Variants in MTMR14 observed in about 807,000 individuals in gnomAD.
MTMR14 encodes the protein myotubularin related protein 14.
Under a neutral mutation model 86.3 loss-of-function variants are expected in MTMR14, and 48 were observed. That is an observed-to-expected ratio of 0.56 (90% confidence interval 0.44 to 0.71). MTMR14 has a LOEUF of 0.71. Ranked by LOEUF, MTMR14 falls within the 30% of genes least tolerant of loss-of-function variation. The pLI is 0.00. For missense variants in MTMR14, 780 were observed against 834.6 expected (o/e 0.93, Z 0.81); for synonymous variants, 366 against 326.1 (o/e 1.12, Z -1.32).
intron 17 of MTMR14, among the ~76,000 whole-genome samples, chr3:9,692,891 T>A (rs761302625): frequency 6.6e-6 from 1 of 152,122 alleles, no homozygotes. Context: ...GCAGGGTAAG[T>A]TTAGATTAGG....
In MTMR14 at chr3:9,672,751, G is replaced by A. The variant is rs533653482; in HGVS notation, c.744G>A (p.Pro248=). Residue 248 remains proline, a synonymous_variant, in exon 7 of 19, where the codon CCG becomes CCA. Transcript: ENST00000296003. ...RYADFTLLSI[P]YPGCEFFKEY... ...CCGACTTCACTCTCCTCTCCATCCC[G>A]TATCCAGGTAGGGGGCTCTCTTCTA... 103 of 1,614,080 alleles carry A rather than the reference G, an allele frequency of 6.4e-5. 2 individuals carry two copies. In the Admixed American group the frequency reaches 8.0e-4, roughly 13 times the overall value.
chr3:9,674,131 G>A (rs1490311125), intron 7 of MTMR14, among the ~76,000 whole-genome samples: 1 of 152,164 alleles, frequency 6.6e-6, no homozygotes, highest in Non-Finnish European at 1.5e-5. Flanking sequence ...ACTGAACTCT[G>A]CAGGTTTGCA....
Position 9,671,136 on chromosome 3 carries a change from A to G in MTMR14, c.643A>G (p.Met215Val). Residue 215 changes from methionine (M) to valine (V), a missense_variant, in exon 6 of 19, where the codon ATG (methionine) becomes GTG (valine). Met to Val is a conservative substitution (Grantham distance 21, BLOSUM62 1). Coordinates refer to ENST00000296003, the MANE Select transcript of MTMR14 (RefSeq NM_001077525.3). ...YLSVKYICDL[M>V]VENKKVKFGM... Reference sequence around the variant, plus strand: ...GTCAGTCAAATACATCTGTGACCTGATGGTGGAGAACAAGAAGGTGAAGTT... The same window carrying G: ...GTCAGTCAAATACATCTGTGACCTGGTGGTGGAGAACAAGAAGGTGAAGTT... 6.2e-7 allele frequency: 1 copy of G among 1,614,222 alleles called. No individual in the cohort carries two copies. Among genetic ancestry groups the G allele is most frequent in the Non-Finnish European group, 8.5e-7 (1 of 1,180,028 alleles).
At chr3:9,663,122 G>A (rs889908369) in intron 3 of MTMR14, among the ~76,000 whole-genome samples, 4 of 152,138 alleles carry the variant, frequency 2.6e-5, no homozygotes, top group South Asian at 2.1e-4. Context: ...GGGAAATTCC[G>A]AATGCAAGTA....
chr3:9,683,589 G>A (rs535808680), intron 10 of MTMR14: 176 of 311,706 alleles, frequency 5.6e-4, no homozygotes, highest in Admixed American at 2.2e-3. Flanking sequence ...GAATCAATCC[G>A]GGCTGCTCAG....
chr3:9,701,581 T>TA lies in MTMR14; in HGVS notation c.1770-208dup, dbSNP rs2076460177. The TA allele has an allele frequency of 6.3e-6, 4 of 634,510 alleles. No individual in the cohort carries two copies. In the East Asian group the frequency reaches 1.1e-4, roughly 18 times the overall value. The allele number at this position is 634,510 out of a possible 1,614,324, so 39.3% of individuals were successfully genotyped here. ...AAGCTCCTGCTCTAGGTGGGAACAG[T>TA]AGCCTGAGGGCTTAGAGGAATGGTT... On this transcript the variant is annotated intron_variant, in intron 18 of 18. Coordinates refer to ENST00000296003, the MANE Select transcript of MTMR14 (RefSeq NM_001077525.3). The surrounding 1 kb of genome is among the most constrained non-coding windows in gnomAD (Gnocchi z 4.2).
intron 10 of MTMR14, among the ~76,000 whole-genome samples, chr3:9,684,373 A>G (rs1575042505): frequency 6.6e-6 from 1 of 152,138 alleles, no homozygotes; most frequent in East Asian, 1.9e-4. Context: ...TGAGAACTAT[A>G]GTCAGAAGGA....
At chr3:9,672,635 GT>G in intron 6 of MTMR14, 49 bp from the exon 7 acceptor site, 1 of 1,467,468 alleles carries the variant, frequency 6.8e-7, no homozygotes, top group Non-Finnish European at 9.6e-7. Flanking sequence ...AATGGTGTGT[GT>G]TTGTGTGTGT....
In MTMR14 at chr3:9,702,184, T is replaced by G; in HGVS notation, c.*211T>G. The G allele has an allele frequency of 1.6e-6, 1 of 631,698 alleles. No individual in the cohort carries two copies. The allele number at this position is 631,698 out of a possible 1,614,324, so 39.1% of individuals were successfully genotyped here. ...TTGACTGGTGACCACCACCCCTTCT[T>G]GTCACTGTCTCCCACCCACCCCATC... On this transcript the variant is annotated 3_prime_UTR_variant, in exon 19 of 19. Coordinates refer to ENST00000296003, the MANE Select transcript of MTMR14 (RefSeq NM_001077525.3).
At chr3:9,675,001 T>C (rs1445259112) in intron 7 of MTMR14, among the ~76,000 whole-genome samples, 1 of 152,212 alleles carries the variant, frequency 6.6e-6, no homozygotes, top group African/African-American at 2.4e-5. Flanking sequence ...ATCCCAGTTA[T>C]TCGGGAGGCC....
intron 3 of MTMR14, among the ~76,000 whole-genome samples, chr3:9,663,214 T>C (rs778927206): frequency 8.6e-5 from 13 of 152,012 alleles, no homozygotes; most frequent in Non-Finnish European, 1.5e-4. Context: ...ATTCAGTCTA[T>C]TCATTCCTTT....
In MTMR14 at chr3:9,661,656, C is replaced by T. The variant is rs113637520; in HGVS notation, c.309-611C>T. Among the ~76,000 whole-genome samples the T allele has an allele frequency of 2.8e-3, 426 of 152,234 alleles. 2 individuals carry two copies. Among genetic ancestry groups the T allele is most frequent in the African/African-American group, 9.8e-3 (405 of 41,514 alleles). On this transcript the variant is annotated intron_variant, in intron 2 of 18. Transcript: ENST00000296003. The stretch of plus-strand genomic sequence containing the variant: ...CTTATCCTGGGAGTTAAAAATTGGA[C>T]ACCCTAGACATAATATCCAGTTTTC...
Position 9,687,862 on chromosome 3 carries a change from C to T in MTMR14, c.1206C>T (p.Ser402=), listed in dbSNP as rs571990247. 8.2e-6 allele frequency: 13 copies of T among 1,588,916 alleles called. No individual in the cohort carries two copies. Among genetic ancestry groups the T allele is most frequent in the Admixed American group, 5.3e-5 (3 of 57,060 alleles). The change falls in exon 14 of 19, where the codon TCC becomes TCT. Residue 402 remains serine (S), a synonymous_variant. Coordinates refer to ENST00000296003, the MANE Select transcript of MTMR14 (RefSeq NM_001077525.3). ...FCFNFLKHIT[S]EEFSALKTQR... is the part of the protein sequence containing the mutation. ...TCAATTTTTTGAAGCATATTACCTC[C>T]GAGGAGTTCTCTGCTCTGAAGACCC...
chr3:9,694,664 T>C (rs376656011), intron 17 of MTMR14, among the ~76,000 whole-genome samples: 2 of 152,366 alleles, frequency 1.3e-5, no homozygotes, highest in South Asian at 2.1e-4. Context: ...CTGTAGGCTC[T>C]GTCATGGCAC....
Position 9,684,628 on chromosome 3 carries a change from G to C in MTMR14, c.1008G>C (p.Arg336=), listed in dbSNP as rs764952030. The C allele has an allele frequency of 4.0e-5, 64 of 1,614,020 alleles. No homozygotes were observed. In the Admixed American group the frequency reaches 1.0e-3, roughly 26 times the overall value. The part of the protein sequence containing the change: ...LLVHCISGWD[R]TPLFISLLRL... Reference sequence around the variant, plus strand: ...TACACTGTATCTCAGGCTGGGATCGGACCCCCCTCTTCATCTCCCTCCTGC... The same window carrying C: ...TACACTGTATCTCAGGCTGGGATCGCACCCCCCTCTTCATCTCCCTCCTGC... Residue 336 remains arginine, a synonymous_variant, in exon 11 of 19, where the codon CGG becomes CGC. Coordinates refer to ENST00000296003, the MANE Select transcript of MTMR14 (RefSeq NM_001077525.3).
chr3:9,683,507 G>A, intron 10 of MTMR14: 2 of 462,828 alleles, frequency 4.3e-6, no homozygotes, highest in Non-Finnish European at 8.0e-6. Context: ...CACTGTCTCA[G>A]CATTGCACAA....
chr3:9,677,387 G>A lies in MTMR14; in HGVS notation c.822G>A (p.Gln274=), dbSNP rs778268581. The A allele has an allele frequency of 6.2e-7, 1 of 1,613,516 alleles. No homozygotes were observed. Among genetic ancestry groups the A allele is most frequent in the South Asian group, 1.1e-5 (1 of 91,066 alleles). ...MAEGLIFNWK[Q]DYVDAPLSIP... ...AAGGGCTCATATTTAACTGGAAGCA[G>A]GTATGAGCAATAACATACATCAAAT... The change falls in exon 8 of 19, where the codon CAG becomes CAA. Residue 274 remains glutamine (Q), a splice_region_variant and synonymous_variant. Transcript: ENST00000296003. This position sits in a 1 kb window ranked among gnomAD's most constrained non-coding sequence, Gnocchi z 4.2.
chr3:9,670,999 C>T (rs1406788943), intron 5 of MTMR14, 49 bp from the exon 6 acceptor site: 1 of 1,613,008 alleles, frequency 6.2e-7, no homozygotes, highest in Non-Finnish European at 8.5e-7. Flanking sequence ...CCCCAAGCTC[C>T]TGTGAGTGAA....
intron 10 of MTMR14, chr3:9,683,478 C>T (rs1005172205): frequency 4.5e-5 from 24 of 531,364 alleles, no homozygotes; most frequent in African/African-American, 2.9e-4. Context: ...CCATCTATGC[C>T]GTGCACAGGG....
Sources: allele counts gnomAD v4.1 joint callset (sites outside exome capture counted in the v4.1 genomes callset), GRCh38; gene constraint gnomAD v4.1.1; non-coding constraint Gnocchi (gnomAD v3.1); transcripts MANE v1.5; gene names NCBI Gene and HGNC (gene_info 2026-07-23, HGNC 2026-07-21).